SGTB: variants seen among roughly 807,000 people sequenced by gnomAD.
The protein encoded by SGTB is small glutamine-rich tetratricopeptide repeat-containing protein beta.
Under a neutral mutation model 43.9 loss-of-function variants are expected in SGTB, and 19 were observed. The observed-to-expected ratio is 0.43, with a 90% CI of 0.30 to 0.63. SGTB has a LOEUF of 0.63. Ranked by LOEUF, SGTB falls within the 30% of genes least tolerant of loss-of-function variation. The pLI, the probability that SGTB is intolerant of heterozygous loss-of-function variation, is 0.12. For synonymous variants in SGTB, 116 were observed against 117.3 expected, an observed-to-expected ratio of 0.99 and a Z score of 0.07; for missense variants, 304 against 358.9, an observed-to-expected ratio of 0.85 and a Z score of 1.24.
At chr5:65,722,555 TGGACCCCTGGG>T, upstream of SGTB, 1 of 772,094 alleles carries the variant, frequency 1.3e-6, no homozygotes, top group African/African-American at 1.8e-5. Context: ...GCTTGCAAGG[TGGACCCCTGGG>T]GGACACCTGG....
intron 8 of SGTB, among the ~76,000 whole-genome samples, chr5:65,680,236 C>A (rs2150706043): frequency 6.6e-6 from 1 of 152,296 alleles, no homozygotes; most frequent in East Asian, 1.9e-4. Context: ...GGCTTAATAC[C>A]TGGGTAATGG....
At chr5:65,716,965 A>G (rs1758164437) in intron 2 of SGTB, among the ~76,000 whole-genome samples, 1 of 152,176 alleles carries the variant, frequency 6.6e-6, no homozygotes, top group African/African-American at 2.4e-5. Flanking sequence ...AAAAGGGGAC[A>G]GAAAAGAAGC....
chr5:65,681,710 G>A (rs1019386208), intron 6 of SGTB, among the ~76,000 whole-genome samples: 7 of 152,036 alleles, frequency 4.6e-5, no homozygotes, highest in African/African-American at 1.2e-4. Context: ...AGTGGCCCAC[G>A]TCTCTAATCC....
chr5:65,718,050 T>C (rs944613393), intron 2 of SGTB, among the ~76,000 whole-genome samples: 1 of 151,744 alleles, frequency 6.6e-6, no homozygotes, highest in Non-Finnish European at 1.5e-5. Flanking sequence ...ATAGCTGGAG[T>C]AGGGATTCTA....
At chr5:65,681,757 T>G (rs1757401797) in intron 6 of SGTB, among the ~76,000 whole-genome samples, 2 of 152,048 alleles carry the variant, frequency 1.3e-5, no homozygotes, top group African/African-American at 4.8e-5. Context: ...GGTGGATCAC[T>G]TGAGGTCAGG....
chr5:65,704,041 A>T (rs1355435311), intron 5 of SGTB, among the ~76,000 whole-genome samples: 22 of 73,044 alleles, frequency 3.0e-4, no homozygotes, highest in African/African-American at 9.6e-4. Flanking sequence ...GTCTCAAAAA[A>T]AAAAAAAAAA....
rs758363958 is a variant in SGTB at position 65,680,481 on chromosome 5, A to T, written c.681+13T>A. 6.2e-7 allele frequency: 1 copy of T among 1,613,862 alleles called. No individual in the cohort carries two copies. Among genetic ancestry groups the T allele is most frequent in the Non-Finnish European group, 8.5e-7 (1 of 1,179,892 alleles). On this transcript the variant is annotated intron_variant, in intron 8 of 10. Coordinates refer to ENST00000381007, the MANE Select transcript of SGTB (RefSeq NM_019072.3). Reference sequence around the variant, plus strand: ...AACATAGCCAGTAGAGGCAGAAAAGAAAGTATACTCACCATACTAATGAAG... The same window carrying T: ...AACATAGCCAGTAGAGGCAGAAAAGTAAGTATACTCACCATACTAATGAAG...
In SGTB at chr5:65,672,233, T is replaced by A. The variant is rs747281108; in HGVS notation, c.719+11A>T. 6.2e-7 allele frequency: 1 copy of A among 1,614,044 alleles called. No individual in the cohort carries two copies. On this transcript the variant is annotated intron_variant, in intron 9 of 10. Transcript: ENST00000381007. Reference sequence around the variant, plus strand: ...TTGGGGAAGTGTAATAAGCTCTTTCTATATACTTACAGCTGTTGAACTTGA... The same window carrying A: ...TTGGGGAAGTGTAATAAGCTCTTTCAATATACTTACAGCTGTTGAACTTGA...
chr5:65,684,375 C>T (rs1308463757), intron 6 of SGTB, among the ~76,000 whole-genome samples: 1 of 152,038 alleles, frequency 6.6e-6, no homozygotes, highest in Non-Finnish European at 1.5e-5. Context: ...TTAGCCACTG[C>T]ACCTGGCTCA....
In SGTB at chr5:65,680,575, T is replaced by A. The variant is rs200143569; in HGVS notation, c.619-19A>T. On this transcript the variant is annotated intron_variant, in intron 7 of 10. Coordinates refer to ENST00000381007, the MANE Select transcript of SGTB (RefSeq NM_019072.3). ...TTCCTGTCTGTAAAACAATTATATCTGAGAATCAGTCCAGTATCTACAATT... is the reference window on the plus strand; with the variant it reads ...TTCCTGTCTGTAAAACAATTATATCAGAGAATCAGTCCAGTATCTACAATT... 4 of 1,613,922 alleles carry A rather than the reference T, an allele frequency of 2.5e-6. No individual in the cohort carries two copies. In the African/African-American group the frequency reaches 5.3e-5, roughly 22 times the overall value.
intron 2 of SGTB, among the ~76,000 whole-genome samples, chr5:65,713,901 C>A (rs931221817): frequency 6.6e-6 from 1 of 151,878 alleles, no homozygotes; most frequent in Admixed American, 6.6e-5. Context: ...TGGTGGCGCA[C>A]ACCTATGGTC....
At chr5:65,720,581 G>A (rs1758248180) in intron 2 of SGTB, 127 bp downstream of exon 2, 2 of 1,013,038 alleles carry the variant, frequency 2.0e-6, no homozygotes, top group South Asian at 1.9e-5. Context: ...TTATAGTCAG[G>A]CCTCTCCTCT....
intron 8 of SGTB, among the ~76,000 whole-genome samples, chr5:65,674,738 A>C (rs1757232163): frequency 6.6e-6 from 1 of 152,188 alleles, no homozygotes. Flanking sequence ...TTGGAGCCTA[A>C]GCCAAATCTG....
chr5:65,688,167 C>A (rs1001226767), intron 5 of SGTB, among the ~76,000 whole-genome samples: 8 of 152,056 alleles, frequency 5.3e-5, no homozygotes, highest in Admixed American at 3.3e-4. Context: ...CTTTTTGAGA[C>A]AGATTTTTAA....
At chr5:65,699,900 A>G (rs1270756470) in intron 5 of SGTB, among the ~76,000 whole-genome samples, 4 of 152,268 alleles carry the variant, frequency 2.6e-5, no homozygotes, top group African/African-American at 9.6e-5. Flanking sequence ...ATAACAAGAT[A>G]GAATTTGATA....
rs140822519 is a variant in SGTB at position 65,680,457 on chromosome 5, ACATAGC to A, written c.681+31_681+36del. 36 of 1,601,028 alleles carry A rather than the reference ACATAGC, an allele frequency of 2.2e-5. No individual in the cohort carries two copies. The African/African-American group carries it at 4.8e-4, about 21-fold the overall frequency. On this transcript the variant is annotated intron_variant, in intron 8 of 10. Coordinates refer to ENST00000381007, the MANE Select transcript of SGTB (RefSeq NM_019072.3). The stretch of plus-strand genomic sequence containing the variant: ...TGCATAGCTACATAGTCTATGGAAA[ACATAGC>A]CAGTAGAGGCAGAAAAGAAAGTATA...
At chr5:65,722,321 C>T (rs1285670637), upstream of SGTB, 19 of 1,472,302 alleles carry the variant, frequency 1.3e-5, no homozygotes, top group Non-Finnish European at 1.7e-5. Flanking sequence ...CCCGCCTCGC[C>T]GCCCCACGCC....
At chr5:65,699,746 C>T (rs1757778259) in intron 5 of SGTB, among the ~76,000 whole-genome samples, 1 of 152,228 alleles carries the variant, frequency 6.6e-6, no homozygotes, top group South Asian at 2.1e-4. Flanking sequence ...GCGTGAGCCA[C>T]TGCACCCAGC....
chr5:65,698,347 C>T (rs770559439), intron 5 of SGTB, among the ~76,000 whole-genome samples: 21 of 152,118 alleles, frequency 1.4e-4, no homozygotes, highest in Admixed American at 2.6e-4. Context: ...TGAAATGCAT[C>T]AAATGTACTA....
Sources: allele counts gnomAD v4.1 joint callset (sites outside exome capture counted in the v4.1 genomes callset), GRCh38; gene constraint gnomAD v4.1.1; transcripts MANE v1.5; gene names NCBI Gene and HGNC (gene_info 2026-07-23, HGNC 2026-07-21).